The following CTSH variants were observed in gnomAD, a reference collection of about 807,000 sequenced individuals.
The protein encoded by CTSH is cathepsin H.
In CTSH, 52 loss-of-function variants were observed where a neutral mutation model predicts 56.3. The observed-to-expected ratio is 0.92, with a 90% CI of 0.74 to 1.16. The LOEUF (loss-of-function observed/expected upper bound fraction) is 1.16. Among genes scored for constraint, CTSH ranks in the 50% most tolerant of loss-of-function variants. The probability of loss-of-function intolerance (pLI) is 0.00; values close to 1 mark genes in which losing one functional copy is unlikely to be tolerated. For missense variants in CTSH, 406 were observed against 424.5 expected (o/e 0.96, Z 0.38); for synonymous variants, 174 against 155.7 (o/e 1.12, Z -0.88).
intron 1 of CTSH, among the ~76,000 whole-genome samples, chr15:78,940,713 C>T (rs934643431): frequency 4.6e-5 from 7 of 152,182 alleles, no homozygotes; most frequent in Non-Finnish European, 1.0e-4. Flanking sequence ...AATCCCAGCA[C>T]TTTGGGAGGC....
rs1567369306 is a variant in CTSH at position 78,935,016 on chromosome 15, G to A, written c.367C>T (p.Arg123Trp). Residue 123 changes from arginine to tryptophan, a missense_variant, in exon 5 of 12, where the codon CGG (arginine) becomes TGG (tryptophan). Arg to Trp is a moderately radical substitution (Grantham distance 101). Coordinates refer to ENST00000220166, the MANE Select transcript of CTSH (RefSeq NM_004390.5). ...TGPYPPSVDW[R>W]KKGNFVSPVK... ...GGTGAGACAAAATTTCCTTTTTTCC[G>A]CCAGTCCACGGAAGGTGGGTAGGGA... The A allele has an allele frequency of 1.2e-6, 2 of 1,613,988 alleles. No homozygotes were observed. Among genetic ancestry groups the A allele is most frequent in the Non-Finnish European group, 1.7e-6 (2 of 1,179,954 alleles).
At chr15:78,928,326 G>C (rs2054960309) in intron 8 of CTSH, among the ~76,000 whole-genome samples, 1 of 149,316 alleles carries the variant, frequency 6.7e-6, no homozygotes, top group Admixed American at 6.7e-5. Flanking sequence ...ACAGCACTTT[G>C]GGAGGCCGAG....
chr15:78,932,764 C>T (rs1372052483), intron 5 of CTSH, among the ~76,000 whole-genome samples: 2 of 152,166 alleles, frequency 1.3e-5, no homozygotes, highest in Non-Finnish European at 2.9e-5. Flanking sequence ...CTCCCAATCA[C>T]CACCTCTTGG....
chr15:78,930,687 T>C (rs1275214922), intron 7 of CTSH, among the ~76,000 whole-genome samples: 1 of 151,946 alleles, frequency 6.6e-6, no homozygotes, highest in Non-Finnish European at 1.5e-5. Context: ...AGCATGATGG[T>C]GGATCTGAGA....
chr15:78,944,432 CCGTCCAACCTA>C (rs2055352625), intron 1 of CTSH: 1 of 153,902 alleles, frequency 6.5e-6, no homozygotes, highest in African/African-American at 2.4e-5. Flanking sequence ...TCCAAACAGC[CCGTCCAACCTA>C]CTCTACAGAT....
intron 6 of CTSH, 106 bp from the exon 7 acceptor site, chr15:78,931,612 T>C: frequency 6.3e-7 from 1 of 1,588,530 alleles, no homozygotes; most frequent in Non-Finnish European, 8.6e-7. Flanking sequence ...GCCCCGTCAG[T>C]GCTGTGTCAA....
At chr15:78,924,071 A>T (rs1316458690) in intron 10 of CTSH, among the ~76,000 whole-genome samples, 2 of 60,176 alleles carry the variant, frequency 3.3e-5, no homozygotes, top group African/African-American at 1.4e-4. Context: ...CAGAGCCCCC[A>T]GGAGGTGGGG....
At position 78,944,887 on chromosome 15, in the gene CTSH, G is replaced by C; in HGVS notation, c.91+4C>G. 4 of 1,546,628 alleles carry C rather than the reference G, an allele frequency of 2.6e-6. No individual in the cohort carries two copies. The East Asian group carries it at 7.4e-5, about 29-fold the overall frequency. On this transcript the variant is annotated splice_donor_region_variant and intron_variant, in intron 1 of 11. Transcript: ENST00000220166. ...CCCTCTCGGGCGGCGCGCCCTCTGC[G>C]TACCTAAGGAGTTCACGCACAGTTC...
chr15:78,937,194 A>G (rs527693075), intron 3 of CTSH, 124 bp downstream of exon 3: 2 of 724,482 alleles, frequency 2.8e-6, no homozygotes, highest in South Asian at 3.4e-5. Context: ...ATCTGAGGTC[A>G]GCCAAACACA....
At position 78,922,244 on chromosome 15, in the gene CTSH, C is replaced by G. The variant is rs930414860; in HGVS notation, c.933-39G>C. The G allele has an allele frequency of 2.6e-6, 4 of 1,514,164 alleles. No homozygotes were observed. In the African/African-American group the frequency reaches 4.1e-5, roughly 16 times the overall value. 93.8% of individuals were successfully genotyped at this position (1,514,164 alleles called of 1,614,324 possible). The stretch of plus-strand genomic sequence containing the variant: ...GGAGCTGAGGCCCGGCCGGCGGTCT[C>G]CCCACCACAGGCCTTTCTAGAATGT... On this transcript the variant is annotated intron_variant, in intron 11 of 11. Transcript: ENST00000220166.
intron 3 of CTSH, chr15:78,936,999 G>A (rs2055189836): frequency 3.4e-6 from 1 of 294,334 alleles, no homozygotes. Context: ...GAGCCCATGA[G>A]CAACCCCTAC....
intron 6 of CTSH, 144 bp downstream of exon 6, chr15:78,932,228 G>C: frequency 1.2e-6 from 1 of 833,356 alleles, no homozygotes; most frequent in Non-Finnish European, 1.9e-6. Flanking sequence ...AGATTCTCAT[G>C]CCAGATGTCC....
In CTSH at chr15:78,921,966, C is replaced by T. The variant is rs4987055; in HGVS notation, c.*164G>A. 6.3e-4 allele frequency: 397 copies of T among 627,398 alleles called. 3 individuals are homozygous for T. In the East Asian group the frequency reaches 9.0e-3, roughly 14 times the overall value. 38.9% of individuals were successfully genotyped at this position (627,398 alleles called of 1,614,324 possible). On this transcript the variant is annotated 3_prime_UTR_variant, in exon 12 of 12. Coordinates refer to ENST00000220166, the MANE Select transcript of CTSH (RefSeq NM_004390.5). ...AGACACGGGTGAGCTCATGGTGGAA[C>T]TCCTCCTTGTCTGTAGGTTTCCAGG...
intron 8 of CTSH, among the ~76,000 whole-genome samples, chr15:78,927,999 G>A (rs2054950608): frequency 6.6e-6 from 1 of 152,242 alleles, no homozygotes; most frequent in African/African-American, 2.4e-5. Flanking sequence ...CACACATGGT[G>A]TGTGGTGGGA....
At chr15:78,925,467 C>T (rs775266169) in intron 9 of CTSH, 27 bp from the exon 10 acceptor site, 1 of 1,485,672 alleles carries the variant, frequency 6.7e-7, no homozygotes, top group African/African-American at 1.4e-5. Flanking sequence ...GAGACAGAAA[C>T]ACATGGCCTG....
intron 6 of CTSH, chr15:78,932,152 C>T (rs2055074840): frequency 9.6e-7 from 1 of 1,042,946 alleles, no homozygotes; most frequent in African/African-American, 1.6e-5. Context: ...CCAGATCCAT[C>T]TAGGAATGAG....
In CTSH at chr15:78,922,995, G is replaced by A. The variant is rs1166506172; in HGVS notation, c.930C>T (p.Asn310=). The A allele has an allele frequency of 3.1e-6, 5 of 1,608,882 alleles. No individual in the cohort carries two copies. Among genetic ancestry groups the A allele is most frequent in the Middle Eastern group, 1.7e-4 (1 of 6,028 alleles). Residue 310 remains asparagine (N), a splice_region_variant and synonymous_variant, in exon 11 of 12, where the codon AAC becomes AAT. Transcript: ENST00000220166. ...AGTGGGACCTGGGAGCTGCTTACCC[G>A]TTCATTCCCCACTGGGGACCCCAAG... is the stretch of plus-strand genomic sequence containing the variant. ...KNSWGPQWGM[N]GYFLIERGKN...
intron 1 of CTSH, among the ~76,000 whole-genome samples, chr15:78,942,423 A>G (rs1171519931): frequency 6.6e-6 from 1 of 152,008 alleles, no homozygotes; most frequent in East Asian, 1.9e-4. Context: ...ATGTTAGCCA[A>G]TCTGGTCTGA....
At chr15:78,926,936 G>T (rs1436440643) in intron 9 of CTSH, 1 of 152,246 alleles carries the variant, frequency 6.6e-6, no homozygotes, top group Non-Finnish European at 1.5e-5. Flanking sequence ...CTAAATGGCA[G>T]CCGCTGTCAT....
Sources: allele counts gnomAD v4.1 joint callset (sites outside exome capture counted in the v4.1 genomes callset), GRCh38; gene constraint gnomAD v4.1.1; transcripts MANE v1.5; gene names NCBI Gene and HGNC (gene_info 2026-07-23, HGNC 2026-07-21).